ENTPD7: variants seen among roughly 807,000 people sequenced by gnomAD.
ENTPD7 encodes ectonucleoside triphosphate diphosphohydrolase 7.
Under a neutral mutation model 77.9 loss-of-function variants are expected in ENTPD7, and 53 were observed. That is an observed-to-expected ratio of 0.68 (90% confidence interval 0.55 to 0.85). The LOEUF is 0.85. Ranked by LOEUF, ENTPD7 falls within the 40% of genes least tolerant of loss-of-function variation. The probability of loss-of-function intolerance (pLI) is 0.00; values close to 1 mark genes in which losing one functional copy is unlikely to be tolerated. For missense variants in ENTPD7, 636 were observed against 743.7 expected, an observed-to-expected ratio of 0.86 and a Z score of 1.68; for synonymous variants, 248 against 274.9, an observed-to-expected ratio of 0.90 and a Z score of 0.97.
At chr10:99,673,717 C>T (rs2035645054) in intron 3 of ENTPD7, among the ~76,000 whole-genome samples, 1 of 152,152 alleles carries the variant, frequency 6.6e-6, no homozygotes, top group Non-Finnish European at 1.5e-5. Flanking sequence ...GAGAGGATAA[C>T]AAGATACTTT....
In ENTPD7 at chr10:99,708,978, A is replaced by G. The variant is rs2036305349; in HGVS notation, c.*4295A>G. Reference sequence around the variant, plus strand: ...ATTCATTTATGACTGCTTTGCTCACATTTAGGAATAAACTTTGAAAAAAAT... The same window carrying G: ...ATTCATTTATGACTGCTTTGCTCACGTTTAGGAATAAACTTTGAAAAAAAT... On this transcript the variant is annotated 3_prime_UTR_variant, in exon 13 of 13. Transcript: ENST00000370489. 6 of 985,438 alleles carry G rather than the reference A, an allele frequency of 6.1e-6. No homozygotes were observed. Among genetic ancestry groups the G allele is most frequent in the Non-Finnish European group, 7.2e-6 (6 of 829,920 alleles). The allele number at this position is 985,438 out of a possible 1,614,324, so 61.0% of individuals were successfully genotyped here.
Position 99,706,513 on chromosome 10 carries a change from TA to T in ENTPD7, c.*1831del, listed in dbSNP as rs111450507. ...ACCACACTCAGCTAATTTTTTATTT[TA>T]TTTTTTTAGAGATGGAGTCTGTGTT... is the stretch of plus-strand genomic sequence containing the variant. On this transcript the variant is annotated 3_prime_UTR_variant, in exon 13 of 13. Transcript: ENST00000370489. 0.84 allele frequency among the ~76,000 whole-genome samples: 124,742 copies of T among 149,190 alleles called. 52,330 individuals carry two copies. Among genetic ancestry groups the T allele is most frequent in the Middle Eastern group, 0.92 (266 of 290 alleles).
Position 99,672,386 on chromosome 10 carries a change from G to A in ENTPD7, c.192-6875G>A, listed in dbSNP as rs1354466730. On this transcript the variant is annotated intron_variant, in intron 3 of 12. Coordinates refer to ENST00000370489, the MANE Select transcript of ENTPD7 (RefSeq NM_020354.5). ...AGTGGCGTGATCATAGCTCACTGCA[G>A]CCTCAACCTCCCAGGCTTAAGCAAT... is the stretch of plus-strand genomic sequence containing the variant. Among the ~76,000 whole-genome samples, 3 of 150,688 alleles carry A rather than the reference G, an allele frequency of 2.0e-5. No homozygotes were observed. The Admixed American group carries it at 2.0e-4, about 10-fold the overall frequency.
At chr10:99,668,343 A>G (rs114060553) in intron 3 of ENTPD7, among the ~76,000 whole-genome samples, 1,537 of 152,256 alleles carry the variant, frequency 0.01, 27 homozygotes, top group African/African-American at 0.035. Context: ...TGAATCTAAT[A>G]TACCACCTGG....
At position 99,697,520 on chromosome 10, in the gene ENTPD7, C is replaced by T. The variant is rs1407206818; in HGVS notation, c.1011-1014C>T. ...GTATTTTCTTGCCAAGTAGCTAAGT[C>T]ACCTACATCAGGTGACTGATGAGTA... On this transcript the variant is annotated intron_variant, in intron 9 of 12. Coordinates refer to ENST00000370489, the MANE Select transcript of ENTPD7 (RefSeq NM_020354.5). 4 of 159,686 alleles carry T rather than the reference C, an allele frequency of 2.5e-5. No individual in the cohort carries two copies. In the East Asian group the frequency reaches 7.4e-4, roughly 30 times the overall value. The allele number at this position is 159,686 out of a possible 1,614,324, so 9.9% of individuals were successfully genotyped here. A position where few individuals can be genotyped will look rare whatever the true frequency, so the allele number is the denominator to read the frequency against.
intron 6 of ENTPD7, among the ~76,000 whole-genome samples, chr10:99,686,801 T>C (rs1284659888): frequency 6.6e-6 from 1 of 152,032 alleles, no homozygotes; most frequent in Admixed American, 6.5e-5. Context: ...TCCTGGACAT[T>C]TTGAATATTA....
At chr10:99,690,462 CT>C (rs753173362) in intron 7 of ENTPD7, among the ~76,000 whole-genome samples, 35 of 151,758 alleles carry the variant, frequency 2.3e-4, no homozygotes, top group Non-Finnish European at 4.3e-4. Flanking sequence ...TACCTATATC[CT>C]TTTTGTTCTG....
intron 2 of ENTPD7, chr10:99,660,581 T>G: frequency 3.7e-6 from 1 of 269,884 alleles, no homozygotes; most frequent in South Asian, 3.1e-5. Flanking sequence ...TTACTGTAAA[T>G]ATATTGGTGT....
chr10:99,660,447 TATAAA>T lies in ENTPD7; in HGVS notation c.8+489_8+493del, dbSNP rs1218543882. Reference sequence around the variant, plus strand: ...TCTACATGCACCAATAAGGGAAAGTTATAAAATAAAGTGGGGGAAAGATGCAGAAC... The same window carrying T: ...TCTACATGCACCAATAAGGGAAAGTTATAAAGTGGGGGAAAGATGCAGAAC... On this transcript the variant is annotated intron_variant, in intron 2 of 12. Transcript: ENST00000370489. 27 of 980,254 alleles carry T rather than the reference TATAAA, an allele frequency of 2.8e-5. No homozygotes were observed. The East Asian group carries it at 1.5e-3, about 53-fold the overall frequency. 60.7% of individuals were successfully genotyped at this position (980,254 alleles called of 1,614,324 possible). A position where few individuals can be genotyped will look rare whatever the true frequency, so the allele number is the denominator to read the frequency against.
chr10:99,686,594 T>C (rs1002306342), intron 6 of ENTPD7, among the ~76,000 whole-genome samples: 6 of 152,132 alleles, frequency 3.9e-5, no homozygotes, highest in Admixed American at 2.6e-4. Flanking sequence ...TTTCTTTTCT[T>C]TTCTGTTTCT....
intron 6 of ENTPD7, among the ~76,000 whole-genome samples, chr10:99,687,041 C>A (rs2035821619): frequency 6.6e-6 from 1 of 151,038 alleles, no homozygotes; most frequent in South Asian, 2.1e-4. Flanking sequence ...CCTCAGCCTC[C>A]CAAGTAGCTT....
At chr10:99,679,985 AT>A in intron 5 of ENTPD7, 110 bp downstream of exon 5, 1 of 1,278,624 alleles carries the variant, frequency 7.8e-7, no homozygotes, top group Non-Finnish European at 1.1e-6. Context: ...AAACCCAATT[AT>A]GACACAATCA....
In ENTPD7 at chr10:99,708,742, A is replaced by AC. The variant is rs957725332; in HGVS notation, c.*4064dup. On this transcript the variant is annotated 3_prime_UTR_variant, in exon 13 of 13. Transcript: ENST00000370489. ...AGAAGAGTTTTAAAGCTTCTGGTCA[A>AC]CCCCCTTGATTTATATGGGTGATAA... 1.3e-6 allele frequency: 1 copy of AC among 765,234 alleles called. No individual in the cohort carries two copies. Among genetic ancestry groups the AC allele is most frequent in the Non-Finnish European group, 1.6e-6 (1 of 629,036 alleles). 47.4% of individuals were successfully genotyped at this position (765,234 alleles called of 1,614,324 possible). A position where few individuals can be genotyped will look rare whatever the true frequency, so the allele number is the denominator to read the frequency against.
intron 3 of ENTPD7, among the ~76,000 whole-genome samples, chr10:99,669,822 T>G (rs1045113559): frequency 7.6e-6 from 1 of 131,860 alleles, no homozygotes; most frequent in Non-Finnish European, 1.6e-5. Context: ...CGATCTCGGC[T>G]CACTGCAAGC....
intron 7 of ENTPD7, among the ~76,000 whole-genome samples, chr10:99,690,381 A>G (rs2035864635): frequency 6.6e-6 from 1 of 152,232 alleles, no homozygotes; most frequent in Non-Finnish European, 1.5e-5. Flanking sequence ...AGAGAAAAAT[A>G]AATGAGTTCA....
Position 99,688,696 on chromosome 10 carries a change from GT to G in ENTPD7, c.658del (p.Tyr220MetfsTer35). 2 of 1,613,906 alleles carry G rather than the reference GT, an allele frequency of 1.2e-6. No homozygotes were observed. The highest frequency in any genetic ancestry group is 1.7e-6 in the Non-Finnish European group (2 of 1,179,888). On this transcript the variant is annotated frameshift_variant, in exon 7 of 13. Coordinates refer to ENST00000370489, the MANE Select transcript of ENTPD7 (RefSeq NM_020354.5). LOFTEE classifies it high-confidence loss of function. The part of the protein sequence containing the change: ...AEVISGKQEG[V>X]YAWIGINFVL... ...GGGCTTTTCTGTTTCTTACTTAGGGGTTTATGCATGGATTGGAATCAACTTT... is the reference window on the plus strand; with the variant it reads ...GGGCTTTTCTGTTTCTTACTTAGGGGTTATGCATGGATTGGAATCAACTTT...
chr10:99,675,741 C>T (rs200128256), intron 3 of ENTPD7, among the ~76,000 whole-genome samples: 10 of 151,622 alleles, frequency 6.6e-5, no homozygotes, highest in Non-Finnish European at 1.0e-4. Flanking sequence ...GGACTACAGG[C>T]GCCCGCCACC....
chr10:99,697,925 A>G (rs2133500014), intron 9 of ENTPD7: 1 of 154,630 alleles, frequency 6.5e-6, no homozygotes, highest in African/African-American at 2.4e-5. Context: ...TAAACTCAAA[A>G]TAACTGGACC....
At chr10:99,660,483 G>A (rs1268912909) in intron 2 of ENTPD7, 2 of 608,588 alleles carry the variant, frequency 3.3e-6, no homozygotes, top group Non-Finnish European at 5.4e-6. Flanking sequence ...AGAACAGCAG[G>A]TATGGTGGAC....
Sources: gnomAD v4.1 joint callset for allele counts (sites outside exome capture counted in the v4.1 genomes callset) on GRCh38, gnomAD v4.1.1 for gene constraint, MANE v1.5 for transcripts, NCBI Gene and HGNC (gene_info 2026-07-23, HGNC 2026-07-21) for gene names.